Variants in NTRK2 observed in about 807,000 individuals in gnomAD.
NTRK2 encodes the protein BDNF/NT-3 growth factors receptor.
In NTRK2, 13 loss-of-function variants were observed where a neutral mutation model predicts 94.5. That is an observed-to-expected ratio of 0.14 (90% CI 0.09 to 0.22). The LOEUF (loss-of-function observed/expected upper bound fraction) is 0.22. Among genes scored for constraint, NTRK2 ranks in the 10% least tolerant of loss-of-function variants. NTRK2 has a pLI of 1.00. For synonymous variants in NTRK2, 372 were observed against 407.4 expected (o/e 0.91, Z 1.05); for missense variants, 639 against 1,071.2 (o/e 0.60, Z 5.63).
chr9:85,017,124 G>C (rs1227549656), intron 17 of NTRK2, among the ~76,000 whole-genome samples: 2 of 152,158 alleles, frequency 1.3e-5, no homozygotes, highest in Non-Finnish European at 2.9e-5. Context: ...GCCAAATGAA[G>C]AGTTCAGGAG....
rs546380897 is a variant in NTRK2 at position 84,867,926 on chromosome 9, A to C, written c.1633+495A>C. Among the ~76,000 whole-genome samples the C allele has an allele frequency of 3.3e-5, 5 of 152,328 alleles. No homozygotes were observed. In the South Asian group the frequency reaches 1.0e-3, roughly 32 times the overall value. On this transcript the variant is annotated intron_variant, in intron 14 of 18. Transcript: ENST00000277120. ...TTGCTCAGTCCGAGTTCCCAGCATG[A>C]GGCCTTGTTGTGTTGCCACAATAGC...
chr9:84,829,836 T>C (rs182566945), intron 12 of NTRK2, among the ~76,000 whole-genome samples: 2 of 152,376 alleles, frequency 1.3e-5, no homozygotes, highest in Non-Finnish European at 2.9e-5. Context: ...TGAGAACTCC[T>C]GGACTGCTGC....
intron 10 of NTRK2, 90 bp downstream of exon 10, chr9:84,742,017 C>G: frequency 8.4e-7 from 1 of 1,187,930 alleles, no homozygotes; most frequent in Non-Finnish European, 1.2e-6. Context: ...CTTCTAAGCT[C>G]AGTTAAATTT....
chr9:84,679,807 T>G (rs191917565), intron 2 of NTRK2, among the ~76,000 whole-genome samples: 1 of 152,352 alleles, frequency 6.6e-6, no homozygotes, highest in Admixed American at 6.5e-5. Flanking sequence ...TAGGTTTTCT[T>G]TAAGTCCAGC....
chr9:85,003,531 G>A (rs561600211), intron 17 of NTRK2, among the ~76,000 whole-genome samples: 1 of 152,310 alleles, frequency 6.6e-6, no homozygotes, highest in East Asian at 1.9e-4. Flanking sequence ...GAGAGATGTC[G>A]GTGGGGAGGA....
chr9:84,910,022 G>T (rs1167861953), intron 14 of NTRK2, among the ~76,000 whole-genome samples: 1 of 152,030 alleles, frequency 6.6e-6, no homozygotes, highest in Non-Finnish European at 1.5e-5. Flanking sequence ...AGATCCTGAA[G>T]GTTATCTCTA....
intron 14 of NTRK2, among the ~76,000 whole-genome samples, chr9:84,910,410 T>A (rs2077204716): frequency 6.6e-6 from 1 of 152,120 alleles, no homozygotes; most frequent in African/African-American, 2.4e-5. Flanking sequence ...GCTTATAGAT[T>A]TGTCACTCCA....
chr9:84,972,108 G>A (rs1042703654), intron 17 of NTRK2, among the ~76,000 whole-genome samples: 1 of 152,206 alleles, frequency 6.6e-6, no homozygotes, highest in African/African-American at 2.4e-5. Flanking sequence ...ACAACGCCAA[G>A]GTGGGAGAGT....
chr9:84,793,871 C>T (rs148562921), intron 12 of NTRK2, among the ~76,000 whole-genome samples: 32 of 152,310 alleles, frequency 2.1e-4, no homozygotes, highest in African/African-American at 7.0e-4. Context: ...TACATATTGT[C>T]GATGCCTGCT....
intron 17 of NTRK2, among the ~76,000 whole-genome samples, chr9:84,989,773 T>C (rs1327850894): frequency 6.8e-6 from 1 of 147,136 alleles, no homozygotes; most frequent in African/African-American, 2.7e-5. Flanking sequence ...TGAAAATGTC[T>C]TTTTTTTGTA....
intron 2 of NTRK2, among the ~76,000 whole-genome samples, chr9:84,679,913 T>C (rs183389656): frequency 6.6e-6 from 1 of 152,304 alleles, no homozygotes; most frequent in East Asian, 1.9e-4. Flanking sequence ...AAACAAATTT[T>C]TATTTTTTTC....
chr9:84,999,094 A>G (rs1215833139), intron 17 of NTRK2, among the ~76,000 whole-genome samples: 1 of 152,192 alleles, frequency 6.6e-6, no homozygotes, highest in Non-Finnish European at 1.5e-5. Flanking sequence ...GAACCCAGGC[A>G]CTTATGTCAC....
intron 14 of NTRK2, among the ~76,000 whole-genome samples, chr9:84,892,907 A>G (rs2076638118): frequency 6.6e-6 from 1 of 150,624 alleles, no homozygotes; most frequent in Non-Finnish European, 1.5e-5. Context: ...GGGCAACAAG[A>G]GCGAAACTCC....
At chr9:84,938,861 G>A (rs1470053213) in intron 15 of NTRK2, among the ~76,000 whole-genome samples, 1 of 151,920 alleles carries the variant, frequency 6.6e-6, no homozygotes, top group African/African-American at 2.4e-5. Context: ...GACCAGCCTG[G>A]GCAACATGAT....
rs2132885886 is a variant in NTRK2 at position 84,948,590 on chromosome 9, G to C, written c.1893G>C (p.Met631Ile). ...GVCVEGDPLI[M>I]VFEYMKHGDL... The stretch of plus-strand genomic sequence containing the variant: ...GCGTGGAGGGCGACCCCCTCATCAT[G>C]GTCTTTGAGTACATGAAGCATGGGG... Residue 631 changes from methionine to isoleucine, a missense_variant, in exon 16 of 19, where the codon ATG becomes ATC. Physicochemically the swap from Met to Ile is conservative, Grantham distance 10. Around this residue, in one of 5 missense-constraint regions of NTRK2, gnomAD observed 343 missense variants for 571.5 expected, o/e 0.60. Coordinates refer to ENST00000277120, the MANE Select transcript of NTRK2 (RefSeq NM_006180.6). 1 of 1,614,086 alleles carries C rather than the reference G, an allele frequency of 6.2e-7. No homozygotes were observed. Among genetic ancestry groups the C allele is most frequent in the Non-Finnish European group, 8.5e-7 (1 of 1,180,024 alleles).
intron 17 of NTRK2, among the ~76,000 whole-genome samples, chr9:85,002,637 G>C (rs576464739): frequency 1.3e-5 from 2 of 152,130 alleles, no homozygotes; most frequent in Non-Finnish European, 2.9e-5. Context: ...TCTTCTGAAA[G>C]GTTTACTAAA....
At chr9:84,830,833 T>A (rs540953121) in intron 12 of NTRK2, among the ~76,000 whole-genome samples, 2 of 152,356 alleles carry the variant, frequency 1.3e-5, no homozygotes, top group East Asian at 3.9e-4. Flanking sequence ...AAACAATATA[T>A]GAATTACAAA....
At chr9:84,717,388 G>C (rs925112353) in intron 6 of NTRK2, among the ~76,000 whole-genome samples, 2 of 152,152 alleles carry the variant, frequency 1.3e-5, no homozygotes, top group Non-Finnish European at 2.9e-5. Context: ...GAAAGTGAGG[G>C]CCTACACACT....
At chr9:84,918,862 G>C (rs1275437165) in intron 14 of NTRK2, among the ~76,000 whole-genome samples, 1 of 152,088 alleles carries the variant, frequency 6.6e-6, no homozygotes, top group Admixed American at 6.5e-5. Context: ...CAACCTTCTA[G>C]CTTGTTTCTC....
Sources: gnomAD v4.1 joint callset for allele counts (sites outside exome capture counted in the v4.1 genomes callset) on GRCh38, gnomAD v4.1.1 for gene constraint, gnomAD v4.1.1 regional missense constraint, MANE v1.5 for transcripts, NCBI Gene and HGNC (gene_info 2026-07-23, HGNC 2026-07-21) for gene names.